Variants in ESRRG observed in about 807,000 individuals in gnomAD.
ESRRG encodes estrogen-related receptor gamma.
A neutral mutation model predicts 44.0 loss-of-function variants in ESRRG; 13 were observed. The observed-to-expected ratio is 0.30, with a 90% CI of 0.19 to 0.47. The LOEUF is 0.47. ESRRG is among the 20% of genes least tolerant of loss of function. The pLI is 1.00. For synonymous variants in ESRRG, 215 were observed against 214.6 expected (o/e 1.00, Z -0.02); for missense variants, 395 against 580.6 (o/e 0.68, Z 3.29).
intron 1 of ESRRG, among the ~76,000 whole-genome samples, chr1:217,028,418 C>T (rs1418240752): frequency 1.3e-5 from 2 of 152,142 alleles, no homozygotes; most frequent in African/African-American, 4.8e-5. Context: ...TACAGAAGTC[C>T]AATACTGCTT....
At chr1:216,602,559 A>G (rs1573917099) in intron 3 of ESRRG, among the ~76,000 whole-genome samples, 1 of 152,310 alleles carries the variant, frequency 6.6e-6, no homozygotes, top group East Asian at 1.9e-4. Flanking sequence ...CACTTTGGCC[A>G]TTTTAACACC....
At chr1:216,698,198 A>AT (rs1296266858) in intron 1 of ESRRG, among the ~76,000 whole-genome samples, 1 of 152,178 alleles carries the variant, frequency 6.6e-6, no homozygotes, top group Non-Finnish European at 1.5e-5. Context: ...AATGTTACAT[A>AT]TTAGCTAACT....
At chr1:216,911,968 AGGAGGCTGAGGTGGGAGGATTGCT>A (rs1228594611) in intron 2 of ESRRG, among the ~76,000 whole-genome samples, 24 of 151,316 alleles carry the variant, frequency 1.6e-4, no homozygotes, top group East Asian at 2.0e-4. Context: ...CCAGCTACTC[AGGAGGCTGAGGTGGGAGGATTGCT>A]GGAGGCTGAG....
chr1:216,680,827 T>C (rs536197679), intron 1 of ESRRG, among the ~76,000 whole-genome samples: 1 of 152,348 alleles, frequency 6.6e-6, no homozygotes, highest in East Asian at 1.9e-4. Context: ...TGTCAGCTGG[T>C]GGGTTTTATT....
At chr1:216,999,576 T>G (rs1331204871) in intron 1 of ESRRG, among the ~76,000 whole-genome samples, 1 of 152,120 alleles carries the variant, frequency 6.6e-6, no homozygotes, top group African/African-American at 2.4e-5. Context: ...TTTTTCTTCC[T>G]AGTTCAAGAG....
At chr1:216,986,154 G>A (rs1049531261) in intron 1 of ESRRG, among the ~76,000 whole-genome samples, 1 of 152,150 alleles carries the variant, frequency 6.6e-6, no homozygotes, top group Non-Finnish European at 1.5e-5. Context: ...GGGTGACCCA[G>A]GAATGATCCC....
intron 1 of ESRRG, among the ~76,000 whole-genome samples, chr1:217,050,776 A>T (rs1318369433): frequency 1.3e-5 from 2 of 152,172 alleles, no homozygotes; most frequent in African/African-American, 4.8e-5. Context: ...AAAATAAATG[A>T]ATCACAAAGC....
intron 1 of ESRRG, among the ~76,000 whole-genome samples, chr1:216,980,161 G>A (rs2073700615): frequency 6.6e-6 from 1 of 152,034 alleles, no homozygotes; most frequent in Non-Finnish European, 1.5e-5. Flanking sequence ...GTTTTATTAT[G>A]AATTTGTGTA....
chr1:216,834,945 C>T (rs2095540720), intron 2 of ESRRG, among the ~76,000 whole-genome samples: 1 of 152,094 alleles, frequency 6.6e-6, no homozygotes, highest in Admixed American at 6.6e-5. Flanking sequence ...AATTGAAGTA[C>T]AGTAGGGAGG....
At position 217,026,912 on chromosome 1, in the gene ESRRG, C is replaced by CAGAGAGAGAGAG. The variant is rs71163786; in HGVS notation, c.-106+62583_-106+62594dup. 7.8e-4 allele frequency among the ~76,000 whole-genome samples: 73 copies of CAGAGAGAGAGAG among 93,456 alleles called. 1 individual carries two copies. The highest frequency in any genetic ancestry group is 1.5e-3 in the African/African-American group (38 of 24,880). The allele number at this position is 93,456 out of a possible 152,430, so 61.3% of individuals were successfully genotyped here. A position where few individuals can be genotyped will look rare whatever the true frequency, so the allele number is the denominator to read the frequency against. ...ATACACACACACACACACACACACA[C>CAGAGAGAGAGAG]AGAGAGAGAGAGAGAGAGAGAGAGA... is the stretch of plus-strand genomic sequence containing the variant. On this transcript the variant is annotated intron_variant, in intron 1 of 7. Coordinates refer to the ESRRG transcript ENST00000359162.
At chr1:216,754,852 T>A (rs1252863581) in intron 2 of ESRRG, among the ~76,000 whole-genome samples, 1 of 151,798 alleles carries the variant, frequency 6.6e-6, no homozygotes, top group African/African-American at 2.4e-5. Flanking sequence ...TTCAACTCCA[T>A]TATAATGGAT....
chr1:217,026,909 A>AGAGAGAGAGAGG (rs1418575165), intron 1 of ESRRG, among the ~76,000 whole-genome samples: 17 of 80,916 alleles, frequency 2.1e-4, no homozygotes, highest in South Asian at 5.8e-4. Context: ...ACACACACAC[A>AGAGAGAGAGAGG]CACAGAGAGA....
intron 2 of ESRRG, among the ~76,000 whole-genome samples, chr1:216,775,964 G>T (rs2093599517): frequency 2.0e-5 from 3 of 151,784 alleles, no homozygotes. Context: ...CAACACCATT[G>T]CAAAAGGCTT....
rs1318553756 is a variant in ESRRG at position 216,519,411 on chromosome 1, C to A, written c.873G>T (p.Thr291=). ...GGCTCATCTGGTCCGCCAGGGACAG[C>A]GTGGAGAAGCCTGCATGGAAAGATG... is the stretch of plus-strand genomic sequence containing the variant. ...GWAKHIPGFS[T]LSLADQMSLL... Residue 291 remains threonine, a synonymous_variant, in exon 6 of 7, where the codon ACG becomes ACT. Coordinates refer to ENST00000408911, the MANE Select transcript of ESRRG (RefSeq NM_001438.4). 2 of 1,607,204 alleles carry A rather than the reference C, an allele frequency of 1.2e-6. No individual in the cohort carries two copies. Among genetic ancestry groups the A allele is most frequent in the South Asian group, 1.1e-5 (1 of 90,194 alleles).
chr1:217,007,155 A>G (rs563699661), intron 1 of ESRRG, among the ~76,000 whole-genome samples: 4 of 152,278 alleles, frequency 2.6e-5, no homozygotes, highest in African/African-American at 9.6e-5. Context: ...GGAATATTTC[A>G]TCACCCCATA....
chr1:216,722,126 G>T (rs1036178517), intron 1 of ESRRG, among the ~76,000 whole-genome samples: 1 of 152,108 alleles, frequency 6.6e-6, no homozygotes, highest in African/African-American at 2.4e-5. Flanking sequence ...GACAGCTAGT[G>T]GACATCTACC....
chr1:216,924,562 G>T (rs2062274673), intron 2 of ESRRG, among the ~76,000 whole-genome samples: 1 of 152,300 alleles, frequency 6.6e-6, no homozygotes, highest in South Asian at 2.1e-4. Context: ...AAATCCACAT[G>T]CAAAGCCTCT....
intron 4 of ESRRG, among the ~76,000 whole-genome samples, chr1:216,567,715 G>C (rs2059935132): frequency 6.6e-6 from 1 of 152,088 alleles, no homozygotes. Context: ...CACTATATAA[G>C]CTATGTATTA....
chr1:216,840,678 A>G (rs1378038312), intron 2 of ESRRG, among the ~76,000 whole-genome samples: 1 of 152,132 alleles, frequency 6.6e-6, no homozygotes, highest in Non-Finnish European at 1.5e-5. Context: ...GAACACTTAG[A>G]GGTCATTGTA....
Sources: allele counts gnomAD v4.1 joint callset (sites outside exome capture counted in the v4.1 genomes callset), GRCh38; gene constraint gnomAD v4.1.1; transcripts MANE v1.5; gene names NCBI Gene and HGNC (gene_info 2026-07-23, HGNC 2026-07-21).